BANF2: variants seen among roughly 807,000 people sequenced by gnomAD.
BANF2 encodes BANF family member 2.
A neutral mutation model predicts 8.0 loss-of-function variants in BANF2; 4 were observed. The observed-to-expected ratio is 0.50, with a 90% CI of 0.25 to 1.14. BANF2 has a LOEUF of 1.14. Ranked by LOEUF, BANF2 falls within the 50% of genes most tolerant of loss-of-function variation. The pLI is 0.16. For missense variants in BANF2, 96 were observed against 107.5 expected, an observed-to-expected ratio of 0.89 and a Z score of 0.47; for synonymous variants, 50 against 40.6, an observed-to-expected ratio of 1.23 and a Z score of -0.88.
intron 1 of BANF2, among the ~76,000 whole-genome samples, chr20:17,712,761 G>C (rs2037593494): frequency 6.6e-6 from 1 of 152,112 alleles, no homozygotes; most frequent in Non-Finnish European, 1.5e-5. Context: ...ATGGCAGAGA[G>C]AGGCGGGATC....
At chr20:17,735,176 G>A (rs186905462) in intron 3 of BANF2, among the ~76,000 whole-genome samples, 1 of 152,134 alleles carries the variant, frequency 6.6e-6, no homozygotes, top group Non-Finnish European at 1.5e-5. Flanking sequence ...GTAGTGGGGC[G>A]GGAATGTCTC....
chr20:17,732,057 C>A (rs1265518007), intron 3 of BANF2, among the ~76,000 whole-genome samples: 4 of 142,350 alleles, frequency 2.8e-5, no homozygotes, highest in African/African-American at 1.1e-4. Flanking sequence ...CAGAGGGAGA[C>A]GTCGTCAAAA....
At chr20:17,704,411 G>C (rs1294090227) in intron 1 of BANF2, among the ~76,000 whole-genome samples, 2 of 152,226 alleles carry the variant, frequency 1.3e-5, no homozygotes, top group African/African-American at 2.4e-5. Flanking sequence ...TAGCAAGGCT[G>C]TATTAGAATG....
intron 2 of BANF2, 45 bp from the exon 3 acceptor site, chr20:17,724,978 A>G: frequency 1.3e-6 from 2 of 1,568,438 alleles, no homozygotes; most frequent in Non-Finnish European, 1.7e-6. Context: ...CACTGGGAGA[A>G]GTCAGGTATC....
intron 3 of BANF2, among the ~76,000 whole-genome samples, chr20:17,726,799 C>G (rs976402477): frequency 1.4e-4 from 22 of 152,208 alleles, no homozygotes; most frequent in African/African-American, 5.3e-4. Flanking sequence ...TTCAGCTATA[C>G]TCATTATTTT....
chr20:17,694,084 A>T (rs2037322154), intron 1 of BANF2, among the ~76,000 whole-genome samples: 1 of 152,244 alleles, frequency 6.6e-6, no homozygotes, highest in South Asian at 2.1e-4. Flanking sequence ...AATTGTCAAT[A>T]AGTACTTGTT....
chr20:17,704,704 T>G (rs733626), intron 1 of BANF2, among the ~76,000 whole-genome samples: 28,118 of 152,132 alleles, frequency 0.18, 3,072 homozygotes, highest in African/African-American at 0.31. Flanking sequence ...GTGGAATGGG[T>G]CTCTTTCAGT....
intron 1 of BANF2, among the ~76,000 whole-genome samples, chr20:17,713,330 G>A (rs1156849241): frequency 1.3e-5 from 2 of 152,134 alleles, no homozygotes; most frequent in East Asian, 3.9e-4. Context: ...AGTAAAATAG[G>A]CCAGTCACCA....
intron 3 of BANF2, 101 bp from the exon 4 acceptor site, chr20:17,735,564 T>G: frequency 1.4e-6 from 2 of 1,381,496 alleles, no homozygotes; most frequent in Non-Finnish European, 2.0e-6. Flanking sequence ...TCCCCCTCCT[T>G]TGATTGTCAC....
intron 3 of BANF2, among the ~76,000 whole-genome samples, chr20:17,731,870 T>G (rs2037902018): frequency 6.7e-6 from 1 of 148,232 alleles, no homozygotes; most frequent in African/African-American, 2.5e-5. Context: ...ATCGAGACCA[T>G]CCTGGCTAAC....
At chr20:17,717,033 A>G (rs1302409610) in intron 1 of BANF2, among the ~76,000 whole-genome samples, 1 of 152,066 alleles carries the variant, frequency 6.6e-6, no homozygotes, top group Non-Finnish European at 1.5e-5. Flanking sequence ...CCTCATTTTC[A>G]TTCTTTCTCT....
At chr20:17,702,946 G>A (rs1386482975) in intron 1 of BANF2, among the ~76,000 whole-genome samples, 2 of 152,194 alleles carry the variant, frequency 1.3e-5, no homozygotes, top group East Asian at 1.9e-4. Flanking sequence ...CATAGCCATC[G>A]GTGGCTGGTG....
intron 3 of BANF2, among the ~76,000 whole-genome samples, chr20:17,728,885 G>A (rs1020237944): frequency 2.6e-5 from 4 of 152,108 alleles, no homozygotes; most frequent in Admixed American, 2.0e-4. Context: ...AACACACCCT[G>A]CAGTGTTAAA....
intron 1 of BANF2, among the ~76,000 whole-genome samples, chr20:17,717,866 C>A (rs528801935): frequency 2.3e-4 from 35 of 152,184 alleles, no homozygotes; most frequent in African/African-American, 8.4e-4. Context: ...CTGGGGTAGG[C>A]AATATCACAT....
chr20:17,697,505 C>T (rs1345419164), upstream of BANF2, among the ~76,000 whole-genome samples: 1 of 152,192 alleles, frequency 6.6e-6, no homozygotes, highest in East Asian at 1.9e-4. Flanking sequence ...TTATACCAAG[C>T]CAATTTATAT....
chr20:17,732,488 C>T (rs143280335), intron 3 of BANF2, among the ~76,000 whole-genome samples: 2,977 of 152,320 alleles, frequency 0.02, 95 homozygotes, highest in African/African-American at 0.067. Flanking sequence ...TCCCAAGTAG[C>T]TGGGATTACA....
At position 17,735,831 on chromosome 20, in the gene BANF2, C is replaced by A. The variant is rs762881301; in HGVS notation, c.*20C>A. The A allele has an allele frequency of 3.7e-6, 6 of 1,600,382 alleles. No individual in the cohort carries two copies. The South Asian group carries it at 6.7e-5, about 18-fold the overall frequency. ...CTGTAGACACAAACCTCATTGCTGC[C>A]CCCCACCACCCTCTGGGGAAAATGA... is the stretch of plus-strand genomic sequence containing the variant. On this transcript the variant is annotated 3_prime_UTR_variant, in exon 4 of 4. Coordinates refer to ENST00000246090, the MANE Select transcript of BANF2 (RefSeq NM_178477.5).
At chr20:17,724,636 A>C (rs939755950) in intron 2 of BANF2, among the ~76,000 whole-genome samples, 3 of 152,258 alleles carry the variant, frequency 2.0e-5, no homozygotes, top group Admixed American at 1.3e-4. Context: ...AAGTATGACT[A>C]AAGTGTTGGG....
intron 1 of BANF2, among the ~76,000 whole-genome samples, chr20:17,704,463 A>G (rs1348367950): frequency 1.3e-5 from 2 of 152,180 alleles, no homozygotes; most frequent in African/African-American, 4.8e-5. Flanking sequence ...TTGACATTGC[A>G]GGGCCCTCAA....
Sources: gnomAD v4.1 joint callset for allele counts (sites outside exome capture counted in the v4.1 genomes callset) on GRCh38, gnomAD v4.1.1 for gene constraint, MANE v1.5 for transcripts, NCBI Gene and HGNC (gene_info 2026-07-23, HGNC 2026-07-21) for gene names.